The following CYP4Z1 variants were observed in gnomAD, a reference collection of about 807,000 sequenced individuals.
CYP4Z1 encodes the protein cytochrome P450 family 4 subfamily Z member 1, also known as cytochrome P450 4Z1.
CYP4Z1 carries 41 observed loss-of-function variants against 54.2 expected under a neutral mutation model. The observed-to-expected ratio is 0.76, with a 90% CI of 0.59 to 0.98. The LOEUF (loss-of-function observed/expected upper bound fraction) is 0.98, where lower values mean the gene tolerates loss of function less well. CYP4Z1 is among the 50% of genes least tolerant of loss of function. The pLI is 0.00. For synonymous variants in CYP4Z1, 163 were observed against 206.2 expected (o/e 0.79, Z 1.79); for missense variants, 513 against 599.0 (o/e 0.86, Z 1.50).
chr1:47,060,771 A>G, the CYP4Z1 span, among the ~76,000 whole-genome samples: 1 of 152,192 alleles, frequency 6.6e-6, no homozygotes, highest in Admixed American at 6.5e-5. Flanking sequence ...TTGCCACATG[A>G]CACATACTTT....
the CYP4Z1 span, among the ~76,000 whole-genome samples, chr1:47,060,722 ACT>A: frequency 6.6e-6 from 1 of 152,120 alleles, no homozygotes; most frequent in Non-Finnish European, 1.5e-5. Flanking sequence ...CCTCTACAGG[ACT>A]CTCTATCCCA....
chr1:47,057,110 G>A, the CYP4Z1 span, among the ~76,000 whole-genome samples: 1 of 151,502 alleles, frequency 6.6e-6, no homozygotes, highest in Non-Finnish European at 1.5e-5. Context: ...TTTAGGGCAG[G>A]TCTGGTGGTG....
chr1:47,096,005 C>T (rs1185797408), intron 7 of CYP4Z1, among the ~76,000 whole-genome samples: 1 of 152,098 alleles, frequency 6.6e-6, no homozygotes, highest in African/African-American at 2.4e-5. Context: ...GTGTTGGCTA[C>T]CTTGATCATG....
chr1:47,104,273 T>C (rs1327530744), intron 8 of CYP4Z1, among the ~76,000 whole-genome samples: 2 of 152,200 alleles, frequency 1.3e-5, no homozygotes, highest in Non-Finnish European at 2.9e-5. Flanking sequence ...TGGTTGTTAG[T>C]GGAAGCTGTG....
chr1:47,112,700 G>A (rs578011219), intron 9 of CYP4Z1, among the ~76,000 whole-genome samples: 90 of 140,096 alleles, frequency 6.4e-4, no homozygotes, highest in African/African-American at 2.2e-3. Context: ...TGGGAGGATC[G>A]CTTGAGTCTG....
At chr1:47,117,251 T>C (rs564254167) in intron 11 of CYP4Z1, among the ~76,000 whole-genome samples, 1 of 152,152 alleles carries the variant, frequency 6.6e-6, no homozygotes, top group Admixed American at 6.6e-5. Context: ...AGCTTTTCCT[T>C]ATCATGATAT....
upstream of CYP4Z1, among the ~76,000 whole-genome samples, chr1:47,067,131 TG>T (rs1263254562): frequency 2.0e-5 from 3 of 151,192 alleles, no homozygotes; most frequent in Non-Finnish European, 4.4e-5. Flanking sequence ...AGAATGAGAG[TG>T]GGGGAGATTT....
the CYP4Z1 span, among the ~76,000 whole-genome samples, chr1:47,058,068 G>C: frequency 6.6e-6 from 1 of 151,900 alleles, no homozygotes; most frequent in African/African-American, 2.4e-5. Context: ...AACTTTACTT[G>C]GTTCTGAATC....
chr1:47,086,252 C>T (rs1425550703), intron 6 of CYP4Z1, among the ~76,000 whole-genome samples: 1 of 152,126 alleles, frequency 6.6e-6, no homozygotes, highest in African/African-American at 2.4e-5. Flanking sequence ...ACTTCTAGAT[C>T]CTTGAGGAAT....
the CYP4Z1 span, among the ~76,000 whole-genome samples, chr1:47,057,479 ATTT>A: frequency 8.3e-6 from 1 of 120,380 alleles, no homozygotes; most frequent in African/African-American, 3.1e-5. Flanking sequence ...GACTTGGTTA[ATTT>A]TTTTTTTTTT....
chr1:47,061,939 T>G, the CYP4Z1 span, among the ~76,000 whole-genome samples: 1 of 152,314 alleles, frequency 6.6e-6, no homozygotes, highest in East Asian at 1.9e-4. Flanking sequence ...AGTCACTTGA[T>G]TATCTCAATA....
At chr1:47,074,388 A>T (rs1051723996) in intron 2 of CYP4Z1, among the ~76,000 whole-genome samples, 1 of 151,034 alleles carries the variant, frequency 6.6e-6, no homozygotes, top group Non-Finnish European at 1.5e-5. Context: ...TCCTACTTAA[A>T]AGTGAGATCA....
chr1:47,115,204 C>A (rs1346070074), intron 9 of CYP4Z1, among the ~76,000 whole-genome samples: 1 of 152,138 alleles, frequency 6.6e-6, no homozygotes, highest in Non-Finnish European at 1.5e-5. Context: ...GGACAAAAAA[C>A]CAAACGCCGC....
At chr1:47,112,308 G>A (rs200449225) in intron 9 of CYP4Z1, among the ~76,000 whole-genome samples, 5 of 152,138 alleles carry the variant, frequency 3.3e-5, no homozygotes, top group East Asian at 1.9e-4. Context: ...TAAAACTGAT[G>A]CTGGTAGAGA....
At chr1:47,110,778 C>G (rs867049636) in intron 9 of CYP4Z1, among the ~76,000 whole-genome samples, 2 of 150,804 alleles carry the variant, frequency 1.3e-5, no homozygotes, top group Admixed American at 1.3e-4. Context: ...GGATATAAAC[C>G]TAATCCAACC....
intron 9 of CYP4Z1, among the ~76,000 whole-genome samples, chr1:47,108,115 C>T (rs1468526378): frequency 1.3e-5 from 2 of 152,212 alleles, no homozygotes; most frequent in Non-Finnish European, 2.9e-5. Context: ...CTTTACATTC[C>T]TTTCCGCCAC....
the CYP4Z1 span, among the ~76,000 whole-genome samples, chr1:47,059,731 C>T: frequency 2.0e-5 from 3 of 152,148 alleles, no homozygotes; most frequent in African/African-American, 7.2e-5. Flanking sequence ...CATTTAATTT[C>T]CCTAATTTAG....
At chr1:47,088,125 A>G (rs1325115269) in intron 6 of CYP4Z1, among the ~76,000 whole-genome samples, 1 of 152,202 alleles carries the variant, frequency 6.6e-6, no homozygotes, top group African/African-American at 2.4e-5. Flanking sequence ...TTTTGCATCA[A>G]TGTTCATCAG....
At chr1:47,116,329 G>C (rs181851285) in intron 10 of CYP4Z1, among the ~76,000 whole-genome samples, 2 of 152,272 alleles carry the variant, frequency 1.3e-5, no homozygotes, top group East Asian at 1.9e-4. Context: ...ACAGAGGCAC[G>C]GGTTTACTGT....
Sources: gnomAD v4.1 joint callset for allele counts (sites outside exome capture counted in the v4.1 genomes callset) on GRCh38, gnomAD v4.1.1 for gene constraint, MANE v1.5 for transcripts, NCBI Gene and HGNC (gene_info 2026-07-23, HGNC 2026-07-21) for gene names.